Variants in ME1 observed in about 807,000 individuals in gnomAD.
ME1 encodes malic enzyme 1.
ME1 carries 74 observed loss-of-function variants against 66.4 expected under a neutral mutation model. The ratio of observed to expected loss-of-function variants is 1.11; its 90% confidence interval spans 0.92 to 1.35. The LOEUF is 1.35. Ranked by LOEUF, ME1 falls within the 40% of genes most tolerant of loss-of-function variation. The pLI is 0.00. For missense variants in ME1, 750 were observed against 694.1 expected (o/e 1.08, Z -0.90); for synonymous variants, 251 against 235.6 (o/e 1.07, Z -0.60).
intron 3 of ME1, among the ~76,000 whole-genome samples, chr6:83,384,523 T>C (rs1769472714): frequency 6.6e-6 from 1 of 151,776 alleles, no homozygotes; most frequent in South Asian, 2.1e-4. Flanking sequence ...TTAAGTTCCT[T>C]ATATTAATAG....
In ME1 at chr6:83,406,971, TACAC is replaced by T. The variant is rs59788379; in HGVS notation, c.212+793_212+796del. ...CCATTTATATTTATATTTTCATTCA[TACAC>T]ACACACACACACACACACACACACA... On this transcript the variant is annotated intron_variant, in intron 2 of 13. Coordinates refer to ENST00000369705, the MANE Select transcript of ME1 (RefSeq NM_002395.6). 3.0e-3 allele frequency among the ~76,000 whole-genome samples: 428 copies of T among 143,956 alleles called. 2 individuals are homozygous for T. Among genetic ancestry groups the T allele is most frequent in the Middle Eastern group, 0.028 (8 of 286 alleles). 94.4% of individuals were successfully genotyped at this position (143,956 alleles called of 152,430 possible). A position where few individuals can be genotyped will look rare whatever the true frequency, so the allele number is the denominator to read the frequency against.
intron 6 of ME1, among the ~76,000 whole-genome samples, chr6:83,311,750 G>A (rs1767935066): frequency 6.6e-6 from 1 of 152,118 alleles, no homozygotes; most frequent in South Asian, 2.1e-4. Flanking sequence ...TAGCAATAAG[G>A]ATGCTAAGAC....
At chr6:83,303,128 A>T (rs1767758318) in intron 6 of ME1, among the ~76,000 whole-genome samples, 1 of 152,098 alleles carries the variant, frequency 6.6e-6, no homozygotes, top group South Asian at 2.1e-4. Flanking sequence ...CACAGAAGAG[A>T]CCCAAGAATA....
At chr6:83,398,603 T>TA (rs1769786885) in intron 2 of ME1, 87 bp from the exon 3 acceptor site, 5 of 674,304 alleles carry the variant, frequency 7.4e-6, no homozygotes, top group Non-Finnish European at 1.2e-5. Flanking sequence ...TTCAACCAAG[T>TA]ATAAAGTACA....
intron 8 of ME1, 39 bp from the exon 9 acceptor site, chr6:83,237,869 A>G (rs971935119): frequency 3.2e-5 from 35 of 1,083,210 alleles, no homozygotes; most frequent in Non-Finnish European, 4.5e-5. Context: ...GTTGTTCTAC[A>G]TGATATCTTA....
chr6:83,295,111 G>C (rs1262527751), intron 6 of ME1, among the ~76,000 whole-genome samples: 1 of 152,220 alleles, frequency 6.6e-6, no homozygotes, highest in African/African-American at 2.4e-5. Context: ...TTATGCTTAA[G>C]TGCCACCTAC....
intron 6 of ME1, among the ~76,000 whole-genome samples, chr6:83,288,109 G>A (rs1430119383): frequency 1.3e-5 from 2 of 152,074 alleles, no homozygotes; most frequent in African/African-American, 2.4e-5. Context: ...TAGGTTGCCT[G>A]TTCACTCTGA....
chr6:83,380,622 C>T (rs752937977), intron 3 of ME1, among the ~76,000 whole-genome samples: 3 of 152,010 alleles, frequency 2.0e-5, no homozygotes, highest in Admixed American at 6.6e-5. Context: ...GAGGTGTTTG[C>T]TTTAGTAACT....
At chr6:83,249,747 G>A (rs536055886) in intron 7 of ME1, among the ~76,000 whole-genome samples, 11 of 152,028 alleles carry the variant, frequency 7.2e-5, no homozygotes, top group African/African-American at 2.7e-4. Context: ...ACCAATCCTT[G>A]AAAGTACTAC....
At chr6:83,308,154 A>G (rs1220018290) in intron 6 of ME1, among the ~76,000 whole-genome samples, 3 of 152,164 alleles carry the variant, frequency 2.0e-5, no homozygotes, top group Non-Finnish European at 4.4e-5. Context: ...AGATCACAGA[A>G]CAATTTGTGA....
chr6:83,273,503 T>C (rs1409198017), intron 6 of ME1, among the ~76,000 whole-genome samples: 1 of 152,172 alleles, frequency 6.6e-6, no homozygotes, highest in Non-Finnish European at 1.5e-5. Flanking sequence ...AACACTTACG[T>C]TTCAACAAAA....
intron 7 of ME1, among the ~76,000 whole-genome samples, chr6:83,253,309 G>T (rs1206344996): frequency 3.9e-5 from 6 of 152,146 alleles, no homozygotes; most frequent in Non-Finnish European, 8.8e-5. Context: ...GAAGAGAGAA[G>T]TATGTATACT....
intron 3 of ME1, among the ~76,000 whole-genome samples, chr6:83,388,963 C>CA (rs1040577300): frequency 1.1e-4 from 16 of 151,920 alleles, no homozygotes; most frequent in Middle Eastern, 6.8e-3. Context: ...TAAAAAAATA[C>CA]AAAAAAATAG....
chr6:83,413,048 T>C (rs532407024), intron 1 of ME1, among the ~76,000 whole-genome samples: 21 of 152,328 alleles, frequency 1.4e-4, no homozygotes, highest in Non-Finnish European at 2.6e-4. Context: ...ATAATTACAA[T>C]GACTAAAAAT....
At chr6:83,241,127 G>C (rs1466974131) in intron 7 of ME1, among the ~76,000 whole-genome samples, 3 of 152,124 alleles carry the variant, frequency 2.0e-5, no homozygotes, top group East Asian at 1.9e-4. Flanking sequence ...ATATTCACTA[G>C]AGTCATTAAA....
chr6:83,374,018 C>T (rs1310037751), intron 3 of ME1, among the ~76,000 whole-genome samples: 1 of 152,040 alleles, frequency 6.6e-6, no homozygotes, highest in African/African-American at 2.4e-5. Context: ...CATTGATGAC[C>T]ATTTGGGTTG....
intron 5 of ME1, among the ~76,000 whole-genome samples, chr6:83,342,475 A>G (rs908950112): frequency 6.6e-6 from 1 of 152,226 alleles, no homozygotes; most frequent in African/African-American, 2.4e-5. Flanking sequence ...GATTCAGAGC[A>G]TCCTGCTGGC....
intron 6 of ME1, among the ~76,000 whole-genome samples, chr6:83,281,072 A>G (rs1767278054): frequency 6.6e-6 from 1 of 152,242 alleles, no homozygotes; most frequent in Non-Finnish European, 1.5e-5. Flanking sequence ...GCATGCTAAG[A>G]AAAGATCATA....
chr6:83,405,210 G>C (rs1769916645), intron 2 of ME1, among the ~76,000 whole-genome samples: 1 of 152,118 alleles, frequency 6.6e-6, no homozygotes. Flanking sequence ...TCTCCTTGAA[G>C]AGGTCCTTCA....
Sources: gnomAD v4.1 joint callset for allele counts (sites outside exome capture counted in the v4.1 genomes callset) on GRCh38, gnomAD v4.1.1 for gene constraint, MANE v1.5 for transcripts, NCBI Gene and HGNC (gene_info 2026-07-23, HGNC 2026-07-21) for gene names.